The following SMOC1 variants were observed in gnomAD, a reference collection of about 807,000 sequenced individuals.
SMOC1 encodes the protein SPARC related modular calcium binding 1.
In SMOC1, 22 loss-of-function variants were observed where a neutral mutation model predicts 56.3. The observed-to-expected ratio is 0.39, with a 90% CI of 0.28 to 0.56. SMOC1 has a LOEUF of 0.56. Among genes scored for constraint, SMOC1 ranks in the 20% least tolerant of loss-of-function variants. The pLI is 0.61. For synonymous variants in SMOC1, 193 were observed against 215.0 expected (o/e 0.90, Z 0.89); for missense variants, 509 against 565.4 (o/e 0.90, Z 1.01).
intron 1 of SMOC1, among the ~76,000 whole-genome samples, chr14:69,881,096 C>T (rs1449294765): frequency 3.3e-5 from 5 of 152,196 alleles, no homozygotes; most frequent in Non-Finnish European, 2.9e-5. Flanking sequence ...AGATTAGATC[C>T]AGGGCGTGTC....
intron 10 of SMOC1, among the ~76,000 whole-genome samples, chr14:70,016,114 G>A (rs530081450): frequency 1.1e-4 from 16 of 152,190 alleles, no homozygotes; most frequent in Non-Finnish European, 1.6e-4. Context: ...AGAGCACTGC[G>A]TGGGCTCTGC....
At chr14:69,997,834 G>C (rs1884823016) in intron 7 of SMOC1, among the ~76,000 whole-genome samples, 3 of 152,182 alleles carry the variant, frequency 2.0e-5, no homozygotes, top group Admixed American at 6.5e-5. Context: ...TTTGATGGAT[G>C]ATCCTGGGTT....
intron 1 of SMOC1, among the ~76,000 whole-genome samples, chr14:69,924,215 C>T (rs1884928544): frequency 6.6e-6 from 1 of 152,228 alleles, no homozygotes; most frequent in Admixed American, 6.5e-5. Flanking sequence ...CCTTCCTTCC[C>T]TCAGCTCCTG....
chr14:69,946,292 G>A (rs1029301013), intron 1 of SMOC1, among the ~76,000 whole-genome samples: 16 of 152,184 alleles, frequency 1.1e-4, no homozygotes, highest in African/African-American at 3.9e-4. Flanking sequence ...CCAGTCAGTA[G>A]CTTACTTTTC....
intron 1 of SMOC1, among the ~76,000 whole-genome samples, chr14:69,880,377 T>A (rs184595362): frequency 1.3e-3 from 195 of 149,464 alleles, no homozygotes; most frequent in African/African-American, 4.6e-3. Flanking sequence ...GAGGGGAGAG[T>A]TGCGCAATGT....
At chr14:69,896,958 A>G (rs1324604743) in intron 1 of SMOC1, among the ~76,000 whole-genome samples, 1 of 152,228 alleles carries the variant, frequency 6.6e-6, no homozygotes, top group African/African-American at 2.4e-5. Context: ...AATCATAGGA[A>G]GTCTGTGAGA....
At chr14:70,028,391 G>C (rs1338651716) in intron 11 of SMOC1, among the ~76,000 whole-genome samples, 1 of 152,188 alleles carries the variant, frequency 6.6e-6, no homozygotes, top group African/African-American at 2.4e-5. Flanking sequence ...GAGGCAGCTA[G>C]CTAGGTCGGA....
At chr14:69,959,609 A>T (rs1251100834) in intron 3 of SMOC1, among the ~76,000 whole-genome samples, 1 of 151,916 alleles carries the variant, frequency 6.6e-6, no homozygotes. Flanking sequence ...AATTCTAACC[A>T]CTGCTCCCCT....
chr14:70,028,952 G>A (rs1290639095), intron 11 of SMOC1, among the ~76,000 whole-genome samples: 2 of 152,214 alleles, frequency 1.3e-5, no homozygotes, highest in Non-Finnish European at 1.5e-5. Flanking sequence ...GTTCTGCAGC[G>A]CTGTACACTC....
intron 1 of SMOC1, among the ~76,000 whole-genome samples, chr14:69,887,358 G>T (rs531542792): frequency 6.6e-6 from 1 of 152,158 alleles, no homozygotes; most frequent in African/African-American, 2.4e-5. Flanking sequence ...TGAGGCAGGG[G>T]GATAGGATGG....
At chr14:69,989,215 T>C (rs932125619) in intron 5 of SMOC1, among the ~76,000 whole-genome samples, 2 of 152,252 alleles carry the variant, frequency 1.3e-5, no homozygotes, top group Non-Finnish European at 2.9e-5. Flanking sequence ...GTCTATCTTT[T>C]TATTTTAGCC....
intron 9 of SMOC1, among the ~76,000 whole-genome samples, 185 bp downstream of exon 9, chr14:70,011,752 TCTC>T (rs1885350338): frequency 6.6e-6 from 1 of 152,216 alleles, no homozygotes; most frequent in Non-Finnish European, 1.5e-5. Flanking sequence ...GCACATTGCT[TCTC>T]TTCCTTGTGC....
intron 1 of SMOC1, among the ~76,000 whole-genome samples, chr14:69,902,075 G>A (rs1008837): frequency 2.2e-4 from 34 of 152,294 alleles, no homozygotes; most frequent in African/African-American, 8.2e-4. Context: ...TCTGGTTTAG[G>A]AATGGTCATG....
intron 7 of SMOC1, among the ~76,000 whole-genome samples, chr14:70,008,390 C>A (rs1270945112): frequency 6.6e-6 from 1 of 152,210 alleles, no homozygotes; most frequent in Non-Finnish European, 1.5e-5. Context: ...CTGCCTGCCT[C>A]AGCCTTTCCA....
intron 3 of SMOC1, among the ~76,000 whole-genome samples, chr14:69,966,518 A>C (rs1208872313): frequency 6.6e-6 from 1 of 152,174 alleles, no homozygotes; most frequent in Non-Finnish European, 1.5e-5. Flanking sequence ...AGGGTTGTGG[A>C]ATTATGGACC....
At chr14:69,988,469 A>G (rs1884447965) in intron 5 of SMOC1, among the ~76,000 whole-genome samples, 1 of 152,174 alleles carries the variant, frequency 6.6e-6, no homozygotes, top group Admixed American at 6.5e-5. Context: ...CCCCCAAATT[A>G]AGGACCACTC....
chr14:69,998,510 A>C lies in SMOC1; in HGVS notation c.664+4030A>C, dbSNP rs185682815. ...TGTTTAAAATATTTTTTAACCATCT[A>C]TATGTTACAGAAGATAAAGATATGA... On this transcript the variant is annotated intron_variant, in intron 7 of 11. Transcript: ENST00000361956. Among the ~76,000 whole-genome samples the C allele has an allele frequency of 1.2e-4, 19 of 152,028 alleles. No homozygotes were observed. The East Asian group carries it at 3.7e-3, about 29-fold the overall frequency.
chr14:69,974,844 C>G (rs184153507), intron 3 of SMOC1, among the ~76,000 whole-genome samples: 593 of 152,234 alleles, frequency 3.9e-3, no homozygotes, highest in African/African-American at 0.013. Flanking sequence ...ATAAAACCTG[C>G]AGGTTTTACC....
chr14:70,010,787 G>A lies in SMOC1; in HGVS notation c.698G>A (p.Ser233Asn). 1 of 1,614,246 alleles carries A rather than the reference G, an allele frequency of 6.2e-7. No individual in the cohort carries two copies. Among genetic ancestry groups the A allele is most frequent in the Non-Finnish European group, 8.5e-7 (1 of 1,180,042 alleles). ...KVYSCDQERQ[S>N]ALEEAQQNPR... ...TATTCGTGTGACCAGGAGAGGCAGA[G>A]TGCCCTGGAAGAGGCCCAGCAGAAT... is the stretch of plus-strand genomic sequence containing the variant. Residue 233 changes from serine to asparagine, a missense_variant, in exon 8 of 12, where the codon AGT becomes AAT. By Grantham distance (46) the Ser-to-Asn change is conservative (BLOSUM62 1). Transcript: ENST00000361956.
Sources: allele counts gnomAD v4.1 joint callset (sites outside exome capture counted in the v4.1 genomes callset), GRCh38; gene constraint gnomAD v4.1.1; transcripts MANE v1.5; gene names NCBI Gene and HGNC (gene_info 2026-07-23, HGNC 2026-07-21).